The following SGCZ variants were observed in gnomAD, a reference collection of about 807,000 sequenced individuals.
SGCZ encodes sarcoglycan zeta.
A neutral mutation model predicts 41.3 loss-of-function variants in SGCZ; 40 were observed. The observed-to-expected ratio is 0.97, with a 90% confidence interval of 0.75 to 1.26. The LOEUF is 1.26. Ranked by LOEUF, SGCZ falls within the 50% of genes most tolerant of loss-of-function variation. SGCZ has a pLI of 0.00. For synonymous variants in SGCZ, 206 were observed against 137.5 expected (o/e 1.50, Z -3.49); for missense variants, 552 against 369.8 (o/e 1.49, Z -4.04).
rs184311330 is a variant in SGCZ at position 14,941,530 on chromosome 8, C to T, written c.39+296055G>A. On this transcript the variant is annotated intron_variant, in intron 1 of 7. Coordinates refer to ENST00000382080, the MANE Select transcript of SGCZ (RefSeq NM_139167.4). The stretch of plus-strand genomic sequence containing the variant: ...TTCATAACAGCCTCTTAATCCCCTA[C>T]ACAATATGTAGGAAATTATGAAATA... Among the ~76,000 whole-genome samples the T allele has an allele frequency of 4.0e-3, 614 of 152,162 alleles. 6 individuals carry two copies. Among genetic ancestry groups the T allele is most frequent in the South Asian group, 0.017 (83 of 4,822 alleles).
At chr8:14,539,745 G>T (rs962307432) in intron 2 of SGCZ, among the ~76,000 whole-genome samples, 3 of 151,578 alleles carry the variant, frequency 2.0e-5, no homozygotes, top group Non-Finnish European at 2.9e-5. Context: ...CCCTCTATGT[G>T]TCCATGTGTT....
intron 1 of SGCZ, among the ~76,000 whole-genome samples, chr8:14,792,753 C>A (rs1402853889): frequency 6.6e-6 from 1 of 151,926 alleles, no homozygotes; most frequent in Non-Finnish European, 1.5e-5. Context: ...ACCTAAAGGT[C>A]CAGGGTTTTC....
intron 1 of SGCZ, among the ~76,000 whole-genome samples, chr8:14,565,184 T>C (rs989129254): frequency 2.0e-5 from 3 of 152,284 alleles, no homozygotes; most frequent in South Asian, 2.1e-4. Context: ...TTATTTAAAA[T>C]GTGGACATTT....
intron 2 of SGCZ, among the ~76,000 whole-genome samples, chr8:14,553,320 C>T (rs1039662834): frequency 5.9e-5 from 9 of 151,984 alleles, no homozygotes; most frequent in African/African-American, 2.2e-4. Context: ...GGAGAATGTA[C>T]CTACAAGCCT....
chr8:14,444,741 C>A (rs968393109), intron 2 of SGCZ, among the ~76,000 whole-genome samples: 31 of 151,684 alleles, frequency 2.0e-4, no homozygotes, highest in Non-Finnish European at 2.1e-4. Context: ...GCAGCACACC[C>A]GCATGGCACA....
rs146154230 is a variant in SGCZ, at chr8:14,315,923, T to C, written c.336+8180A>G. ...GAAGGAAAAACACAAAAAGGCAACA[T>C]TAGGTATTAAATGATATGTCTATGT... On this transcript the variant is annotated intron_variant, in intron 3 of 7. Coordinates refer to ENST00000382080, the MANE Select transcript of SGCZ (RefSeq NM_139167.4). 9.0e-4 allele frequency among the ~76,000 whole-genome samples: 137 copies of C among 151,844 alleles called. 2 individuals carry two copies. The highest frequency in any genetic ancestry group is 3.1e-3 in the African/African-American group (127 of 41,502).
intron 2 of SGCZ, among the ~76,000 whole-genome samples, chr8:14,375,881 T>C (rs1340568345): frequency 2.0e-5 from 3 of 152,046 alleles, no homozygotes; most frequent in Admixed American, 6.6e-5. Flanking sequence ...AATTATGAGA[T>C]AGAAAACAGA....
At chr8:15,027,106 C>G (rs1585487394) in intron 1 of SGCZ, among the ~76,000 whole-genome samples, 1 of 152,190 alleles carries the variant, frequency 6.6e-6, no homozygotes, top group South Asian at 2.1e-4. Context: ...TGGCAGCTTT[C>G]TCAGACCATT....
At chr8:14,638,908 A>G (rs745312404) in intron 1 of SGCZ, among the ~76,000 whole-genome samples, 27 of 151,860 alleles carry the variant, frequency 1.8e-4, no homozygotes, top group Non-Finnish European at 3.1e-4. Flanking sequence ...TGGTTCAGTA[A>G]AAGAATGAAT....
intron 1 of SGCZ, among the ~76,000 whole-genome samples, chr8:14,591,309 C>T (rs1404223885): frequency 6.6e-6 from 1 of 151,860 alleles, no homozygotes; most frequent in African/African-American, 2.4e-5. Context: ...TTATGTTTTA[C>T]TGAAATTCCT....
chr8:14,934,059 A>G (rs1563373787), intron 1 of SGCZ, among the ~76,000 whole-genome samples: 1 of 152,050 alleles, frequency 6.6e-6, no homozygotes, highest in Non-Finnish European at 1.5e-5. Flanking sequence ...AATAATTAAT[A>G]AGAATTCATA....
At chr8:14,519,792 T>A (rs911615731) in intron 2 of SGCZ, among the ~76,000 whole-genome samples, 1 of 152,138 alleles carries the variant, frequency 6.6e-6, no homozygotes, top group Non-Finnish European at 1.5e-5. Context: ...AAAAATGTTA[T>A]TTCATTGTTA....
chr8:14,315,619 A>C (rs1801689183), intron 3 of SGCZ, among the ~76,000 whole-genome samples: 1 of 152,112 alleles, frequency 6.6e-6, no homozygotes, highest in South Asian at 2.1e-4. Context: ...AAGTCAGAGG[A>C]TATTATTAGA....
In SGCZ at chr8:14,394,664, A is replaced by G. The variant is rs554126394; in HGVS notation, c.235-70460T>C. Among the ~76,000 whole-genome samples the G allele has an allele frequency of 4.8e-3, 734 of 152,292 alleles. 2 individuals carry two copies. The highest frequency in any genetic ancestry group is 7.0e-3 in the Non-Finnish European group (478 of 68,016). Reference sequence around the variant, plus strand: ...AGTAATCCGTGGGTGAAATGAAATGACAAAGGCCTAAACTACCACTGTGGT... The same window carrying G: ...AGTAATCCGTGGGTGAAATGAAATGGCAAAGGCCTAAACTACCACTGTGGT... On this transcript the variant is annotated intron_variant, in intron 2 of 7. Transcript: ENST00000382080.
chr8:14,268,779 A>T (rs954266571), intron 3 of SGCZ, among the ~76,000 whole-genome samples: 2 of 151,934 alleles, frequency 1.3e-5, no homozygotes, highest in Non-Finnish European at 2.9e-5. Context: ...TTGCTCATTT[A>T]AAAAATCTAG....
chr8:14,893,880 AACTTT>A (rs1233249527), intron 1 of SGCZ, among the ~76,000 whole-genome samples: 2 of 152,216 alleles, frequency 1.3e-5, no homozygotes, highest in African/African-American at 2.4e-5. Flanking sequence ...CTAAAGTACT[AACTTT>A]ACTTAGTAAC....
At chr8:15,154,007 T>C (rs1034387870) in intron 1 of SGCZ, among the ~76,000 whole-genome samples, 8 of 152,016 alleles carry the variant, frequency 5.3e-5, no homozygotes, top group East Asian at 1.9e-4. Flanking sequence ...ACATGCACGG[T>C]TCACGATAGA....
intron 1 of SGCZ, among the ~76,000 whole-genome samples, chr8:14,858,629 A>G (rs2130672672): frequency 6.6e-6 from 1 of 152,282 alleles, no homozygotes; most frequent in South Asian, 2.1e-4. Flanking sequence ...TCTGAAACCT[A>G]TAAACGAACC....
At chr8:14,571,944 A>G (rs888022485) in intron 1 of SGCZ, among the ~76,000 whole-genome samples, 5 of 152,186 alleles carry the variant, frequency 3.3e-5, no homozygotes, top group African/African-American at 1.2e-4. Flanking sequence ...ACTATAGAAA[A>G]GGTAGGTTGG....
Sources: allele counts gnomAD v4.1 joint callset (sites outside exome capture counted in the v4.1 genomes callset), GRCh38; gene constraint gnomAD v4.1.1; transcripts MANE v1.5; gene names NCBI Gene and HGNC (gene_info 2026-07-23, HGNC 2026-07-21).